ERMARD: variants seen among roughly 807,000 people sequenced by gnomAD.
ERMARD encodes ER membrane associated RNA degradation, also known as endoplasmic reticulum membrane-associated RNA degradation protein.
ERMARD carries 71 observed loss-of-function variants against 83.9 expected under a neutral mutation model. That is an observed-to-expected ratio of 0.85 (90% CI 0.70 to 1.03). The LOEUF is 1.03. Ranked by LOEUF, ERMARD falls within the 50% of genes least tolerant of loss-of-function variation. ERMARD has a pLI of 0.00. For synonymous variants in ERMARD, 284 were observed against 298.6 expected (o/e 0.95, Z 0.50); for missense variants, 838 against 810.9 (o/e 1.03, Z -0.41).
chr6:169,764,407 A>G (rs1384404227), intron 9 of ERMARD, among the ~76,000 whole-genome samples: 1 of 150,854 alleles, frequency 6.6e-6, no homozygotes, highest in African/African-American at 2.4e-5. Flanking sequence ...GGGACCATAG[A>G]TGTGTGCTAC....
intron 15 of ERMARD, 55 bp downstream of exon 15, chr6:169,776,120 T>G: frequency 6.3e-7 from 1 of 1,595,640 alleles, no homozygotes; most frequent in East Asian, 2.2e-5. Flanking sequence ...CAGATTAGCA[T>G]AGCAAACTTA....
upstream of ERMARD, chr6:169,751,541 G>GTC: frequency 6.2e-7 from 1 of 1,610,684 alleles, no homozygotes; most frequent in Non-Finnish European, 8.5e-7. Flanking sequence ...GAGGGCGGAA[G>GTC]TCTCCCACCT....
At chr6:169,751,508 T>C (rs750018599), upstream of ERMARD, 1 of 1,610,698 alleles carries the variant, frequency 6.2e-7, no homozygotes, top group Non-Finnish European at 8.5e-7. Flanking sequence ...CCGCCGGCGG[T>C]CAAACGCCCT....
In ERMARD at chr6:169,751,647, C is replaced by T. The variant is rs1216798222; in HGVS notation, c.-11C>T. 1.3e-6 allele frequency: 2 copies of T among 1,565,168 alleles called. No individual in the cohort carries two copies. Among genetic ancestry groups the T allele is most frequent in the Admixed American group, 1.9e-5 (1 of 51,964 alleles). On this transcript the variant is annotated 5_prime_UTR_variant, in exon 1 of 18. Transcript: ENST00000366773. Reference sequence around the variant, plus strand: ...GTCATTCACGCGCGCCGCAGCGGGGCACCGGAAGTTATGGAGGTAGGGCGG... The same window carrying T: ...GTCATTCACGCGCGCCGCAGCGGGGTACCGGAAGTTATGGAGGTAGGGCGG...
chr6:169,766,654 C>T lies in ERMARD; in HGVS notation c.977C>T (p.Thr326Ile), dbSNP rs200063598. 1 of 1,578,552 alleles carries T rather than the reference C, an allele frequency of 6.3e-7. No homozygotes were observed. Among genetic ancestry groups the T allele is most frequent in the South Asian group, 1.2e-5 (1 of 83,860 alleles). The change falls in exon 10 of 18, where the codon ACC becomes ATC. Residue 326 changes from threonine (T) to isoleucine (I), a missense_variant. By Grantham distance (89) the Thr-to-Ile change is moderately conservative (BLOSUM62 -1). Transcript: ENST00000366773. Reference protein sequence around the residue: ...LLTAESTALYTTFDQILAKHL... With the variant: ...LLTAESTALYITFDQILAKHL... ...TTTCTGAAGTCAACAGCTCTTTATA[C>T]CACCTTTGATCAAGTAAGTAAGTAA...
intron 16 of ERMARD, 96 bp from the exon 17 acceptor site, chr6:169,779,086 C>A: frequency 1.9e-6 from 2 of 1,065,268 alleles, no homozygotes; most frequent in Non-Finnish European, 2.9e-6. Context: ...GAAGTTGGGA[C>A]TTAAGGATGT....
chr6:169,753,878 C>T lies in ERMARD; in HGVS notation c.21C>T (p.Asp7=), dbSNP rs1485979469. The T allele has an allele frequency of 6.3e-7, 1 of 1,585,356 alleles. No individual in the cohort carries two copies. The highest frequency in any genetic ancestry group is 8.6e-7 in the Non-Finnish European group (1 of 1,164,944). The part of the protein sequence containing the change: MEVLIG[D]PITTCLSPSV... ...TTATTTTTTAGGTATTAATAGGGGA[C>T]CCTATTACCACATGTCTTTCTCCCT... Residue 7 remains aspartate, a synonymous_variant, in exon 2 of 18, where the codon GAC becomes GAT. Coordinates refer to ENST00000366773, the MANE Select transcript of ERMARD (RefSeq NM_018341.3).
rs527399251 is a variant in ERMARD, at chr6:169,766,441, C to T, written c.961-197C>T. 9.8e-5 allele frequency among the ~76,000 whole-genome samples: 15 copies of T among 152,310 alleles called. No individual in the cohort carries two copies. In the South Asian group the frequency reaches 1.2e-3, roughly 13 times the overall value. On this transcript the variant is annotated intron_variant, in intron 9 of 17. Transcript: ENST00000366773. ...TAATGCGGCTTCATGGCCAGCTGCA[C>T]TGTGTTTTTGCGTCTTTTGTAATGT...
At chr6:169,764,936 G>C (rs1193212584) in intron 9 of ERMARD, among the ~76,000 whole-genome samples, 1 of 152,252 alleles carries the variant, frequency 6.6e-6, no homozygotes, top group Non-Finnish European at 1.5e-5. Flanking sequence ...CTTGGAGGCA[G>C]TCCTGCTTTG....
chr6:169,751,924 G>A, intron 1 of ERMARD: 1 of 499,250 alleles, frequency 2.0e-6, no homozygotes, highest in South Asian at 3.9e-5. Flanking sequence ...CCCTGAGCTG[G>A]AACGCGGCGG....
At chr6:169,770,632 T>A (rs1350580509) in intron 12 of ERMARD, 1 of 152,102 alleles carries the variant, frequency 6.6e-6, no homozygotes, top group Non-Finnish European at 1.5e-5. Context: ...TATTATTATT[T>A]TTTATGAGAC....
intron 15 of ERMARD, 115 bp downstream of exon 15, chr6:169,776,180 C>T: frequency 6.5e-7 from 1 of 1,537,368 alleles, no homozygotes; most frequent in Non-Finnish European, 8.9e-7. Context: ...TCTTAGAATC[C>T]CACTGTTACT....
At chr6:169,752,015 A>G (rs1224088210) in intron 1 of ERMARD, 1 of 351,928 alleles carries the variant, frequency 2.8e-6, no homozygotes, top group Non-Finnish European at 5.1e-6. Context: ...GCTCGTTCCT[A>G]GAAGCGCAGT....
rs1403883195 is a variant in ERMARD, at chr6:169,766,653, A to G, written c.976A>G (p.Thr326Ala). Residue 326 changes from threonine to alanine, a missense_variant, in exon 10 of 18, where the codon ACC (threonine) becomes GCC (alanine). Physicochemically the swap from Thr to Ala is moderately conservative, Grantham distance 58. Coordinates refer to ENST00000366773, the MANE Select transcript of ERMARD (RefSeq NM_018341.3). The part of the protein sequence containing the change: ...LLTAESTALY[T>A]TFDQILAKHL... Reference sequence around the variant, plus strand: ...TTTTCTGAAGTCAACAGCTCTTTATACCACCTTTGATCAAGTAAGTAAGTA... The same window carrying G: ...TTTTCTGAAGTCAACAGCTCTTTATGCCACCTTTGATCAAGTAAGTAAGTA... 3 of 1,580,538 alleles carry G rather than the reference A, an allele frequency of 1.9e-6. No individual in the cohort carries two copies. The highest frequency in any genetic ancestry group is 2.6e-6 in the Non-Finnish European group (3 of 1,171,520).
At chr6:169,769,391 G>A (rs1216239307) in intron 11 of ERMARD, 149 bp from the exon 12 acceptor site, 2 of 630,046 alleles carry the variant, frequency 3.2e-6, no homozygotes, top group Non-Finnish European at 5.1e-6. Context: ...CTGTCCTGTG[G>A]GTGTAGGAGA....
At chr6:169,757,413 A>G (rs1006386156) in intron 5 of ERMARD, among the ~76,000 whole-genome samples, 10 of 152,316 alleles carry the variant, frequency 6.6e-5, no homozygotes, top group South Asian at 4.1e-4. Context: ...GCCTCGATCA[A>G]TTACATATTA....
At chr6:169,755,699 G>A in intron 3 of ERMARD, 1 of 358,252 alleles carries the variant, frequency 2.8e-6, no homozygotes, top group South Asian at 4.1e-5. Flanking sequence ...CAAGGATAGA[G>A]GAAAAATTTA....
intron 2 of ERMARD, among the ~76,000 whole-genome samples, chr6:169,754,306 C>T (rs1471012268): frequency 6.6e-6 from 1 of 152,080 alleles, no homozygotes; most frequent in Non-Finnish European, 1.5e-5. Context: ...TGATGTAGAT[C>T]TCAGGGCCTT....
intron 1 of ERMARD, 35 bp downstream of exon 1, chr6:169,751,698 C>T (rs536947914): frequency 4.5e-6 from 7 of 1,538,696 alleles, no homozygotes; most frequent in African/African-American, 4.1e-5. Context: ...CGATCCCGAG[C>T]TAGGCAGGGA....
Sources: allele counts gnomAD v4.1 joint callset (sites outside exome capture counted in the v4.1 genomes callset), GRCh38; gene constraint gnomAD v4.1.1; transcripts MANE v1.5; gene names NCBI Gene and HGNC (gene_info 2026-07-23, HGNC 2026-07-21).